The following CRACD variants were observed in gnomAD, a reference collection of about 807,000 sequenced individuals.
CRACD encodes the protein capping protein-inhibiting regulator of actin dynamics.
Under a neutral mutation model 106.8 loss-of-function variants are expected in CRACD, and 56 were observed. The observed-to-expected ratio is 0.52, with a 90% CI of 0.42 to 0.66. The LOEUF is 0.66. Ranked by LOEUF, CRACD falls within the 30% of genes least tolerant of loss-of-function variation. CRACD has a pLI of 0.00. For synonymous variants in CRACD, 754 were observed against 670.8 expected, an observed-to-expected ratio of 1.12 and a Z score of -1.92; for missense variants, 1,730 against 1,623.2, an observed-to-expected ratio of 1.07 and a Z score of -1.13.
chr4:56,247,658 CA>C (rs1191296012), intron 2 of CRACD, among the ~76,000 whole-genome samples: 4 of 152,078 alleles, frequency 2.6e-5, no homozygotes, highest in Non-Finnish European at 5.9e-5. Flanking sequence ...CCAGCCTGGC[CA>C]GCAGGGCAAA....
Position 56,285,444 on chromosome 4 carries a change from CTT to C in CRACD, c.-16-12760_-16-12759del, listed in dbSNP as rs11325494. Among the ~76,000 whole-genome samples the C allele has an allele frequency of 4.7e-5, 7 of 150,330 alleles. No homozygotes were observed. The South Asian group carries it at 8.5e-4, about 18-fold the overall frequency. On this transcript the variant is annotated intron_variant, in intron 3 of 10. Transcript: ENST00000682029. ...GAAGTAGGGTGACATTAGATAATAA[CTT>C]TTTTTTTTTAAGAGACAATGTCTTG...
intron 1 of CRACD, among the ~76,000 whole-genome samples, chr4:56,088,850 T>A (rs918658543): frequency 6.6e-6 from 1 of 152,188 alleles, no homozygotes; most frequent in Non-Finnish European, 1.5e-5. Context: ...CTCAGCCTCC[T>A]GAGTACCTGG....
chr4:56,189,534 G>A (rs1448002414), intron 2 of CRACD, among the ~76,000 whole-genome samples: 8 of 140,730 alleles, frequency 5.7e-5, no homozygotes, highest in Admixed American at 4.9e-4. Context: ...ATCTCCTAAT[G>A]CTATCCCTCC....
intron 2 of CRACD, among the ~76,000 whole-genome samples, chr4:56,221,442 A>G (rs7692217): frequency 0.32 from 48,421 of 152,002 alleles, 9,556 homozygotes; most frequent in African/African-American, 0.56. Flanking sequence ...GGAATGGGGT[A>G]GGAAGAAGAA....
intron 2 of CRACD, among the ~76,000 whole-genome samples, chr4:56,267,574 C>T (rs1325338413): frequency 6.6e-6 from 1 of 152,156 alleles, no homozygotes; most frequent in East Asian, 1.9e-4. Flanking sequence ...TGTTCTGAGT[C>T]CTCCTTTGAA....
chr4:56,073,726 T>C (rs1364168167), intron 1 of CRACD, among the ~76,000 whole-genome samples: 1 of 152,228 alleles, frequency 6.6e-6, no homozygotes, highest in East Asian at 1.9e-4. Flanking sequence ...CATTTGTCAA[T>C]TTTGGCTTTT....
rs541506149 is a variant in CRACD, at chr4:56,168,115, G to C, written c.-335-11169G>C. 2.6e-5 allele frequency among the ~76,000 whole-genome samples: 4 copies of C among 152,290 alleles called. No homozygotes were observed. The South Asian group carries it at 8.3e-4, about 32-fold the overall frequency. ...TCTACTACAATGTTAAAGAGAAGTA[G>C]AGAGTATAGACAATTTTGCCATGTT... On this transcript the variant is annotated intron_variant, in intron 1 of 10. Coordinates refer to ENST00000682029, the MANE Select transcript of CRACD (RefSeq NM_001393381.1).
At chr4:56,236,473 A>G (rs1214711369) in intron 2 of CRACD, among the ~76,000 whole-genome samples, 1 of 152,184 alleles carries the variant, frequency 6.6e-6, no homozygotes, top group East Asian at 1.9e-4. Flanking sequence ...TCAATCAGAG[A>G]CAATATTCAA....
rs189907771 is a variant in CRACD, at chr4:56,313,256, A to C, written c.414A>C (p.Glu138Asp). 1.2e-6 allele frequency: 2 copies of C among 1,614,100 alleles called. No homozygotes were observed. Among genetic ancestry groups the C allele is most frequent in the African/African-American group, 1.3e-5 (1 of 75,028 alleles). ...ACTTCTCTTCTGCTGGCACCATCGA[A>C]AGTGTCAACTTAGATGCCATCCCCC... ...KRHFSSAGTI[E>D]SVNLDAIPLA... Residue 138 changes from glutamate (E) to aspartate (D), a missense_variant, in exon 7 of 11, where the codon GAA (glutamate) becomes GAC (aspartate). By Grantham distance (45) the Glu-to-Asp change is conservative (BLOSUM62 2). Coordinates refer to ENST00000682029, the MANE Select transcript of CRACD (RefSeq NM_001393381.1).
chr4:56,228,441 T>C (rs1437786492), intron 2 of CRACD, among the ~76,000 whole-genome samples: 31 of 152,074 alleles, frequency 2.0e-4, no homozygotes, highest in Admixed American at 2.0e-3. Flanking sequence ...ACCAGACACA[T>C]GTGCTGAGCC....
In CRACD at chr4:56,218,989, A is replaced by C. The variant is rs532614275; in HGVS notation, c.-189+39559A>C. Among the ~76,000 whole-genome samples, 23 of 152,274 alleles carry C rather than the reference A, an allele frequency of 1.5e-4. No homozygotes were observed. In the East Asian group the frequency reaches 4.4e-3, roughly 29 times the overall value. On this transcript the variant is annotated intron_variant, in intron 2 of 10. Transcript: ENST00000682029. ...GTGCCTTTTGACCTTCAATGCCCTG[A>C]ATATAGCTTACAGAATGTGAGATGT...
intron 2 of CRACD, among the ~76,000 whole-genome samples, chr4:56,199,805 C>T (rs571813097): frequency 6.6e-6 from 1 of 151,984 alleles, no homozygotes; most frequent in Non-Finnish European, 1.5e-5. Context: ...TGTCAAGTTT[C>T]CTTCCAGAAA....
intron 1 of CRACD, among the ~76,000 whole-genome samples, chr4:56,079,227 T>C (rs1312724446): frequency 6.6e-6 from 1 of 152,166 alleles, no homozygotes; most frequent in Non-Finnish European, 1.5e-5. Context: ...AATAGGCTTT[T>C]CATTTCACTG....
intron 1 of CRACD, among the ~76,000 whole-genome samples, chr4:56,162,234 G>T (rs1735987349): frequency 6.6e-6 from 1 of 151,350 alleles, no homozygotes; most frequent in African/African-American, 2.4e-5. Flanking sequence ...TCACTTTGTT[G>T]CCCAGGCTGG....
At chr4:56,262,756 C>T (rs189253836) in intron 2 of CRACD, among the ~76,000 whole-genome samples, 1 of 152,338 alleles carries the variant, frequency 6.6e-6, no homozygotes, top group East Asian at 1.9e-4. Context: ...TTTATCTGTA[C>T]TTTCAAAATC....
At chr4:56,102,237 C>T (rs73817332) in intron 1 of CRACD, among the ~76,000 whole-genome samples, 1 of 152,060 alleles carries the variant, frequency 6.6e-6, no homozygotes, top group African/African-American at 2.4e-5. Flanking sequence ...TCCTTGCCAG[C>T]AATGATTTTT....
intron 1 of CRACD, among the ~76,000 whole-genome samples, chr4:56,161,832 C>T (rs1200383552): frequency 1.3e-5 from 2 of 149,778 alleles, no homozygotes; most frequent in Admixed American, 6.7e-5. Flanking sequence ...GGCATGATCT[C>T]GGCTCACTGC....
At chr4:56,218,817 G>T (rs982172614) in intron 2 of CRACD, among the ~76,000 whole-genome samples, 2 of 151,924 alleles carry the variant, frequency 1.3e-5, no homozygotes, top group African/African-American at 4.8e-5. Context: ...AGTCCCAAAG[G>T]CTTTTAGATG....
At chr4:56,232,200 T>C (rs578009140) in intron 2 of CRACD, among the ~76,000 whole-genome samples, 18 of 152,208 alleles carry the variant, frequency 1.2e-4, no homozygotes, top group Non-Finnish European at 2.4e-4. Context: ...TCTAGAATTT[T>C]ATATAATGGT....
Sources: gnomAD v4.1 joint callset for allele counts (sites outside exome capture counted in the v4.1 genomes callset) on GRCh38, gnomAD v4.1.1 for gene constraint, MANE v1.5 for transcripts, NCBI Gene and HGNC (gene_info 2026-07-23, HGNC 2026-07-21) for gene names.